Variants in ADRA2A observed in about 807,000 individuals in gnomAD.
The protein encoded by ADRA2A is alpha-2A adrenergic receptor.
A neutral mutation model predicts 5.9 loss-of-function variants in ADRA2A; 6 were observed. That is an observed-to-expected ratio of 1.01 (90% CI 0.55 to 2.00). ADRA2A has a LOEUF of 2.00. ADRA2A is among the 30% of genes most tolerant of loss of function. The pLI is 0.00. For synonymous variants in ADRA2A, 345 were observed against 325.9 expected, an observed-to-expected ratio of 1.06 and a Z score of -0.63; for missense variants, 647 against 690.0, an observed-to-expected ratio of 0.94 and a Z score of 0.70.
At position 111,078,226 on chromosome 10, in the gene ADRA2A, G is replaced by A; in HGVS notation, c.230G>A (p.Arg77His). The change falls in exon 1 of 1, where the codon CGC (arginine) becomes CAC (histidine). Residue 77 changes from arginine to histidine, a missense_variant. Arg to His is a conservative substitution (Grantham distance 29). This residue lies in a region of ADRA2A where 577 missense variants were observed against 605.4 expected (regional missense o/e 0.95). Transcript: ENST00000280155. ...VLVIIAVFTS[R>H]ALKAPQNLFL... is the part of the protein sequence containing the mutation. ...GTCATCATCGCCGTGTTCACGAGCC[G>A]CGCGCTCAAGGCGCCCCAAAACCTC... 2.5e-6 allele frequency: 4 copies of A among 1,613,538 alleles called. No homozygotes were observed. The highest frequency in any genetic ancestry group is 3.4e-6 in the Non-Finnish European group (4 of 1,179,966).
In ADRA2A at chr10:111,080,412, T is replaced by C. The variant is rs1295696325; in HGVS notation, c.*1018T>C. 6.0e-6 allele frequency: 1 copy of C among 166,936 alleles called. No individual in the cohort carries two copies. Among genetic ancestry groups the C allele is most frequent in the Non-Finnish European group, 1.5e-5 (1 of 68,110 alleles). The allele number at this position is 166,936 out of a possible 1,614,324, so 10.3% of individuals were successfully genotyped here. Reference sequence around the variant, plus strand: ...AAGTGCTGACTATGGGGAAATCTTTTAGCTGCTGTTTTTAGACTCCAAGGA... The same window carrying C: ...AAGTGCTGACTATGGGGAAATCTTTCAGCTGCTGTTTTTAGACTCCAAGGA... On this transcript the variant is annotated 3_prime_UTR_variant, in exon 1 of 1. Transcript: ENST00000280155.
rs1390423464 is a variant in ADRA2A at position 111,079,449 on chromosome 10, C to T, written c.*55C>T. On this transcript the variant is annotated 3_prime_UTR_variant, in exon 1 of 1. Transcript: ENST00000280155. ...GCTGACTGCAGGCAGCGGGGGGCATCGAGGGGTGCTTAGCCCCAGGGCACT... is the reference window on the plus strand; with the variant it reads ...GCTGACTGCAGGCAGCGGGGGGCATTGAGGGGTGCTTAGCCCCAGGGCACT... 8 of 1,581,290 alleles carry T rather than the reference C, an allele frequency of 5.1e-6. No individual in the cohort carries two copies. Among genetic ancestry groups the T allele is most frequent in the South Asian group, 2.3e-5 (2 of 88,828 alleles).
chr10:111,080,895 T>C lies in ADRA2A; in HGVS notation c.*1501T>C, dbSNP rs1388289061. ...ATGGATTTTTTAAAAATAAAAAATG[T>C]ACATTATAAAAATTTTTTAAACGTT... On this transcript the variant is annotated 3_prime_UTR_variant, in exon 1 of 1. Coordinates refer to ENST00000280155, the MANE Select transcript of ADRA2A (RefSeq NM_000681.4). The C allele has an allele frequency of 6.1e-6, 1 of 164,004 alleles. No homozygotes were observed. Among genetic ancestry groups the C allele is most frequent in the East Asian group, 1.9e-4 (1 of 5,210 alleles). 10.2% of individuals were successfully genotyped at this position (164,004 alleles called of 1,614,324 possible).
At position 111,079,345 on chromosome 10, in the gene ADRA2A, G is replaced by A; in HGVS notation, c.1349G>A (p.Arg450His). ...ACCATCTTCAACCACGATTTCCGCC[G>A]CGCCTTCAAGAAGATCCTCTGTCGG... ...IYTIFNHDFR[R>H]AFKKILCRGD... The change falls in exon 1 of 1, where the codon CGC becomes CAC. Residue 450 changes from arginine to histidine, a missense_variant. Coordinates refer to ENST00000280155, the MANE Select transcript of ADRA2A (RefSeq NM_000681.4). The A allele has an allele frequency of 6.2e-7, 1 of 1,614,094 alleles. No individual in the cohort carries two copies. The highest frequency in any genetic ancestry group is 8.5e-7 in the Non-Finnish European group (1 of 1,180,028).
In ADRA2A at chr10:111,079,046, C is replaced by A; in HGVS notation, c.1050C>A (p.Arg350=). The change falls in exon 1 of 1, where the codon CGC becomes CGA. Residue 350 remains arginine, a synonymous_variant. Transcript: ENST00000280155. The part of the protein sequence containing the change: ...QVKPGDSLPR[R]GPGATGIGTP... Reference sequence around the variant, plus strand: ...AGCCGGGCGACAGCCTGCCGCGGCGCGGGCCGGGGGCGACGGGGATCGGGA... The same window carrying A: ...AGCCGGGCGACAGCCTGCCGCGGCGAGGGCCGGGGGCGACGGGGATCGGGA... 2 of 1,272,812 alleles carry A rather than the reference C, an allele frequency of 1.6e-6. No homozygotes were observed. Among genetic ancestry groups the A allele is most frequent in the Non-Finnish European group, 2.0e-6 (2 of 1,014,620 alleles). 78.8% of individuals were successfully genotyped at this position (1,272,812 alleles called of 1,614,324 possible). A position where few individuals can be genotyped will look rare whatever the true frequency, so the allele number is the denominator to read the frequency against.
chr10:111,078,011 G>T lies in ADRA2A; in HGVS notation c.15G>T (p.Glu5Asp), dbSNP rs781303745. ...CGCCCGCGTTCATGTTCCGCCAGGA[G>T]CAGCCGTTGGCCGAGGGCAGCTTTG... MFRQ[E>D]QPLAEGSFAP... The change falls in exon 1 of 1, where the codon GAG becomes GAT. Residue 5 changes from glutamate (E) to aspartate (D), a missense_variant. Physicochemically the swap from Glu to Asp is conservative, Grantham distance 45. This residue lies in a region of ADRA2A where 577 missense variants were observed against 605.4 expected (regional missense o/e 0.95). Transcript: ENST00000280155. 2 of 1,425,166 alleles carry T rather than the reference G, an allele frequency of 1.4e-6. No homozygotes were observed. The highest frequency in any genetic ancestry group is 6.0e-5 in the Admixed American group (2 of 33,444). The allele number at this position is 1,425,166 out of a possible 1,614,324, so 88.3% of individuals were successfully genotyped here.
rs569795804 is a variant in ADRA2A at position 111,080,597 on chromosome 10, A to T, written c.*1203A>T. ...CCTCCGTGCTTTTCTGGTTGAGATCATGTCATTGATGAACTGCCAAAGTCA... is the reference window on the plus strand; with the variant it reads ...CCTCCGTGCTTTTCTGGTTGAGATCTTGTCATTGATGAACTGCCAAAGTCA... On this transcript the variant is annotated 3_prime_UTR_variant, in exon 1 of 1. Transcript: ENST00000280155. 69 of 167,178 alleles carry T rather than the reference A, an allele frequency of 4.1e-4. No individual in the cohort carries two copies. The highest frequency in any genetic ancestry group is 9.0e-4 in the Non-Finnish European group (61 of 68,114). The allele number at this position is 167,178 out of a possible 1,614,324, so 10.4% of individuals were successfully genotyped here.
chr10:111,078,051 C>T lies in ADRA2A; in HGVS notation c.55C>T (p.Leu19=), dbSNP rs1243260329. The change falls in exon 1 of 1, where the codon CTG becomes TTG. Residue 19 remains leucine (L), a synonymous_variant. Transcript: ENST00000280155. ...GGGCAGCTTTGCGCCCATGGGCTCC[C>T]TGCAGCCGGACGCGGGCAACGCGAG... ...AEGSFAPMGS[L]QPDAGNASWN... 1 of 1,528,264 alleles carries T rather than the reference C, an allele frequency of 6.5e-7. No homozygotes were observed. The highest frequency in any genetic ancestry group is 8.7e-7 in the Non-Finnish European group (1 of 1,145,472). The allele number at this position is 1,528,264 out of a possible 1,614,324, so 94.7% of individuals were successfully genotyped here.
In ADRA2A at chr10:111,078,249, C is replaced by T. The variant is rs779134972; in HGVS notation, c.253C>T (p.Leu85Phe). The change falls in exon 1 of 1, where the codon CTC becomes TTC. Residue 85 changes from leucine (L) to phenylalanine (F), a missense_variant. Around this residue, in one of 3 missense-constraint regions of ADRA2A, gnomAD observed 577 missense variants for 605.4 expected, o/e 0.95. Coordinates refer to ENST00000280155, the MANE Select transcript of ADRA2A (RefSeq NM_000681.4). The part of the protein sequence containing the change: ...TSRALKAPQN[L>F]FLVSLASADI... ...CCGCGCGCTCAAGGCGCCCCAAAAC[C>T]TCTTCCTGGTGTCTCTGGCCTCGGC... The T allele has an allele frequency of 1.2e-6, 2 of 1,613,596 alleles. No individual in the cohort carries two copies. Among genetic ancestry groups the T allele is most frequent in the East Asian group, 4.5e-5 (2 of 44,830 alleles).
Position 111,078,672 on chromosome 10 carries a change from A to G in ADRA2A, c.676A>G (p.Ile226Val). Residue 226 changes from isoleucine (I) to valine (V), a missense_variant, in exon 1 of 1, where the codon ATC becomes GTC. Around this residue, in one of 3 missense-constraint regions of ADRA2A, gnomAD observed 577 missense variants for 605.4 expected, o/e 0.95. Coordinates refer to ENST00000280155, the MANE Select transcript of ADRA2A (RefSeq NM_000681.4). ...CIGSFFAPCL[I>V]MILVYVRIYQ... is the part of the protein sequence containing the mutation. Reference sequence around the variant, plus strand: ...CGGCTCCTTCTTCGCTCCCTGCCTCATCATGATCCTGGTCTACGTGCGCAT... The same window carrying G: ...CGGCTCCTTCTTCGCTCCCTGCCTCGTCATGATCCTGGTCTACGTGCGCAT... 1 of 1,581,574 alleles carries G rather than the reference A, an allele frequency of 6.3e-7. No individual in the cohort carries two copies. The highest frequency in any genetic ancestry group is 8.6e-7 in the Non-Finnish European group (1 of 1,162,980).
chr10:111,078,973 C>G lies in ADRA2A; in HGVS notation c.977C>G (p.Pro326Arg). The G allele has an allele frequency of 8.1e-7, 1 of 1,235,864 alleles. No homozygotes were observed. Among genetic ancestry groups the G allele is most frequent in the Non-Finnish European group, 1.0e-6 (1 of 992,184 alleles). The allele number at this position is 1,235,864 out of a possible 1,614,324, so 76.6% of individuals were successfully genotyped here. Residue 326 changes from proline to arginine, a missense_variant, in exon 1 of 1, where the codon CCC (proline) becomes CGC (arginine). Physicochemically the swap from Pro to Arg is moderately radical, Grantham distance 103 (BLOSUM62 -2). This residue lies in a region of ADRA2A where 577 missense variants were observed against 605.4 expected (regional missense o/e 0.95). Coordinates refer to ENST00000280155, the MANE Select transcript of ADRA2A (RefSeq NM_000681.4). ...GAGCGGCCTCCAGGGCCCCGCAGACCCGAGCGCGGTCCCCGGGGCAAAGGC... is the reference window on the plus strand; with the variant it reads ...GAGCGGCCTCCAGGGCCCCGCAGACGCGAGCGCGGTCCCCGGGGCAAAGGC... ...HAERPPGPRRPERGPRGKGKA... is the reference protein window; with the variant it reads ...HAERPPGPRRRERGPRGKGKA...
chr10:111,077,763 G>A lies in ADRA2A; in HGVS notation c.-234G>A. 2.8e-6 allele frequency: 1 copy of A among 356,202 alleles called. No individual in the cohort carries two copies. 22.1% of individuals were successfully genotyped at this position (356,202 alleles called of 1,614,324 possible). ...GAAATAAAACTTGGCTGTATTAGGA[G>A]CTCGGAGCAAGAAGGCGCCCACCGA... On this transcript the variant is annotated 5_prime_UTR_variant, in exon 1 of 1. Coordinates refer to ENST00000280155, the MANE Select transcript of ADRA2A (RefSeq NM_000681.4).
In ADRA2A at chr10:111,078,257, G is replaced by A; in HGVS notation, c.261G>A (p.Leu87=). 1 of 1,613,850 alleles carries A rather than the reference G, an allele frequency of 6.2e-7. No homozygotes were observed. The highest frequency in any genetic ancestry group is 8.5e-7 in the Non-Finnish European group (1 of 1,180,030). Residue 87 remains leucine (L), a synonymous_variant, in exon 1 of 1, where the codon CTG becomes CTA. Transcript: ENST00000280155. The part of the protein sequence containing the change: ...RALKAPQNLF[L]VSLASADILV... The stretch of plus-strand genomic sequence containing the variant: ...TCAAGGCGCCCCAAAACCTCTTCCT[G>A]GTGTCTCTGGCCTCGGCCGACATCC...
rs763127174 is a variant in ADRA2A at position 111,078,461 on chromosome 10, G to A, written c.465G>A (p.Glu155=). 3 of 1,613,752 alleles carry A rather than the reference G, an allele frequency of 1.9e-6. No individual in the cohort carries two copies. Among genetic ancestry groups the A allele is most frequent in the Non-Finnish European group, 2.5e-6 (3 of 1,179,992 alleles). The part of the protein sequence containing the change: ...DRYWSITQAI[E]YNLKRTPRRI... ...ACTGGTCCATCACACAGGCCATCGA[G>A]TACAACCTGAAGCGCACGCCGCGCC... Residue 155 remains glutamate, a synonymous_variant, in exon 1 of 1, where the codon GAG becomes GAA. Transcript: ENST00000280155.
chr10:111,080,572 C>T lies in ADRA2A; in HGVS notation c.*1178C>T, dbSNP rs565275199. On this transcript the variant is annotated 3_prime_UTR_variant, in exon 1 of 1. Coordinates refer to ENST00000280155, the MANE Select transcript of ADRA2A (RefSeq NM_000681.4). The stretch of plus-strand genomic sequence containing the variant: ...GGTATCAAAATGTTGTCCTTTCCCC[C>T]CTCCGTGCTTTTCTGGTTGAGATCA... The T allele has an allele frequency of 2.9e-4, 49 of 167,156 alleles. No individual in the cohort carries two copies. Among genetic ancestry groups the T allele is most frequent in the South Asian group, 2.1e-4 (1 of 4,820 alleles). The allele number at this position is 167,156 out of a possible 1,614,324, so 10.4% of individuals were successfully genotyped here.
Position 111,078,296 on chromosome 10 carries a change from C to T in ADRA2A, c.300C>T (p.Leu100=), listed in dbSNP as rs773971238. The T allele has an allele frequency of 2.7e-5, 43 of 1,614,024 alleles. No homozygotes were observed. Among genetic ancestry groups the T allele is most frequent in the South Asian group, 2.3e-4 (21 of 91,082 alleles). ...CGGCCGACATCCTGGTGGCCACGCT[C>T]GTCATCCCTTTCTCGCTGGCCAACG... ...LASADILVAT[L]VIPFSLANEV... Residue 100 remains leucine, a synonymous_variant, in exon 1 of 1, where the codon CTC becomes CTT. Coordinates refer to ENST00000280155, the MANE Select transcript of ADRA2A (RefSeq NM_000681.4).
In ADRA2A at chr10:111,078,075, AG is replaced by A; in HGVS notation, c.80del (p.Ser27ThrfsTer21). On this transcript the variant is annotated frameshift_variant, in exon 1 of 1. Coordinates refer to ENST00000280155, the MANE Select transcript of ADRA2A (RefSeq NM_000681.4). LOFTEE classifies it low-confidence loss of function (END_TRUNC). The stretch of plus-strand genomic sequence containing the variant: ...CCTGCAGCCGGACGCGGGCAACGCG[AG>A]CTGGAACGGGACCGAGGCGCCGGGG... Reference protein sequence around the residue: ...GSLQPDAGNASWNGTEAPGGG... With the variant: ...GSLQPDAGNAXWNGTEAPGGG... The A allele has an allele frequency of 6.4e-7, 1 of 1,551,036 alleles. No individual in the cohort carries two copies. Among genetic ancestry groups the A allele is most frequent in the Non-Finnish European group, 8.7e-7 (1 of 1,155,028 alleles).
rs773883153 is a variant in ADRA2A at position 111,078,230 on chromosome 10, G to A, written c.234G>A (p.Ala78=). The change falls in exon 1 of 1, where the codon GCG becomes GCA. Residue 78 remains alanine, a synonymous_variant. Coordinates refer to ENST00000280155, the MANE Select transcript of ADRA2A (RefSeq NM_000681.4). The part of the protein sequence containing the change: ...LVIIAVFTSR[A]LKAPQNLFLV... ...TCATCGCCGTGTTCACGAGCCGCGC[G>A]CTCAAGGCGCCCCAAAACCTCTTCC... 3 of 1,612,980 alleles carry A rather than the reference G, an allele frequency of 1.9e-6. No homozygotes were observed. The South Asian group carries it at 3.3e-5, about 18-fold the overall frequency.
chr10:111,079,447 A>C lies in ADRA2A; in HGVS notation c.*53A>C. 1.3e-6 allele frequency: 2 copies of C among 1,585,210 alleles called. No homozygotes were observed. The highest frequency in any genetic ancestry group is 2.2e-5 in the South Asian group (2 of 89,222). ...ACGCTGACTGCAGGCAGCGGGGGGC[A>C]TCGAGGGGTGCTTAGCCCCAGGGCA... On this transcript the variant is annotated 3_prime_UTR_variant, in exon 1 of 1. Coordinates refer to ENST00000280155, the MANE Select transcript of ADRA2A (RefSeq NM_000681.4).
Sources: allele counts gnomAD v4.1 joint callset, GRCh38; gene constraint gnomAD v4.1.1; regional missense constraint gnomAD v4.1.1; transcripts MANE v1.5; gene names NCBI Gene and HGNC (gene_info 2026-07-23, HGNC 2026-07-21).